Variants in FBLN5 observed in about 807,000 individuals in gnomAD.
FBLN5 encodes the protein fibulin-5.
A neutral mutation model predicts 61.6 loss-of-function variants in FBLN5; 24 were observed. That is an observed-to-expected ratio of 0.39 (90% CI 0.28 to 0.55). The LOEUF is 0.55. Ranked by LOEUF, FBLN5 falls within the 20% of genes least tolerant of loss-of-function variation. The pLI is 0.65. For missense variants in FBLN5, 470 were observed against 594.1 expected, an observed-to-expected ratio of 0.79 and a Z score of 2.17; for synonymous variants, 213 against 219.8, an observed-to-expected ratio of 0.97 and a Z score of 0.27.
chr14:91,940,620 C>G lies in FBLN5; in HGVS notation c.73-4G>C. 1 of 1,613,704 alleles carries G rather than the reference C, an allele frequency of 6.2e-7. No individual in the cohort carries two copies. Among genetic ancestry groups the G allele is most frequent in the Non-Finnish European group, 8.5e-7 (1 of 1,179,706 alleles). On this transcript the variant is annotated splice_region_variant and splice_polypyrimidine_tract_variant and intron_variant, in intron 2 of 10. Coordinates refer to ENST00000342058, the MANE Select transcript of FBLN5 (RefSeq NM_006329.4). ...CAAAGCCATTCGTGCACTGTGCCTG[C>G]AGGGAAGGAGAGAGGAGAAACAGGC...
intron 4 of FBLN5, among the ~76,000 whole-genome samples, chr14:91,908,688 A>G (rs1432103804): frequency 1.3e-5 from 2 of 152,318 alleles, no homozygotes; most frequent in African/African-American, 2.4e-5. Flanking sequence ...TTGACTGTAC[A>G]TTTGAATCAC....
At chr14:91,917,911 G>A (rs528475119) in intron 4 of FBLN5, among the ~76,000 whole-genome samples, 5 of 152,134 alleles carry the variant, frequency 3.3e-5, no homozygotes, top group Non-Finnish European at 7.3e-5. Context: ...CCTTTTTCAT[G>A]TTGAGGCACA....
chr14:91,900,467 T>TACAAA (rs926293568), intron 4 of FBLN5, among the ~76,000 whole-genome samples: 15 of 152,254 alleles, frequency 9.9e-5, no homozygotes, highest in Middle Eastern at 6.8e-3. Context: ...TTAAAAACTG[T>TACAAA]ACAAAACAAA....
intron 4 of FBLN5, among the ~76,000 whole-genome samples, chr14:91,914,522 G>A (rs1289207157): frequency 6.9e-6 from 1 of 144,766 alleles, no homozygotes; most frequent in Non-Finnish European, 1.5e-5. Context: ...TAGCTGGGCA[G>A]TATAGTACAT....
At chr14:91,894,216 T>G (rs1890112594) in intron 5 of FBLN5, among the ~76,000 whole-genome samples, 1 of 150,754 alleles carries the variant, frequency 6.6e-6, no homozygotes. Flanking sequence ...CTGGCCAACA[T>G]GGCAAAACCC....
intron 9 of FBLN5, among the ~76,000 whole-genome samples, chr14:91,880,113 C>G (rs1889350750): frequency 6.6e-6 from 1 of 152,182 alleles, no homozygotes; most frequent in Non-Finnish European, 1.5e-5. Flanking sequence ...AAATGTTGAC[C>G]AAGATGACGT....
chr14:91,870,669 G>T (rs1888881667), intron 10 of FBLN5, among the ~76,000 whole-genome samples: 1 of 152,306 alleles, frequency 6.6e-6, no homozygotes, highest in Non-Finnish European at 1.5e-5. Flanking sequence ...CTTTGTACAG[G>T]ATGGAAAGCA....
intron 10 of FBLN5, among the ~76,000 whole-genome samples, chr14:91,876,435 C>T (rs1889165494): frequency 6.6e-6 from 1 of 152,190 alleles, no homozygotes; most frequent in South Asian, 2.1e-4. Flanking sequence ...AGATGCAAGT[C>T]CTAAATCCTT....
chr14:91,906,667 T>C (rs1890697838), intron 4 of FBLN5, among the ~76,000 whole-genome samples: 1 of 152,228 alleles, frequency 6.6e-6, no homozygotes. Flanking sequence ...CACCCCTCTA[T>C]GGGCACCAGC....
chr14:91,895,529 T>C (rs1469411784), intron 4 of FBLN5, among the ~76,000 whole-genome samples: 3 of 152,034 alleles, frequency 2.0e-5, no homozygotes, highest in African/African-American at 7.2e-5. Flanking sequence ...CTGGGCATGG[T>C]GGCTCACGCC....
At chr14:91,938,713 C>T (rs745986008) in intron 3 of FBLN5, among the ~76,000 whole-genome samples, 10 of 152,124 alleles carry the variant, frequency 6.6e-5, no homozygotes, top group Non-Finnish European at 1.0e-4. Flanking sequence ...TCCCGTATAC[C>T]GAGCCATGTC....
chr14:91,869,895 A>G lies in FBLN5; in HGVS notation c.*329T>C, dbSNP rs115237925. On this transcript the variant is annotated 3_prime_UTR_variant, in exon 11 of 11. Transcript: ENST00000342058. ...AGCTGTTCACAGTCTTTGAACATAG[A>G]CTCAGACCCCCGCAAACCTAATCTA... 5,928 of 365,374 alleles carry G rather than the reference A, an allele frequency of 0.016. 211 individuals are homozygous for G. Among genetic ancestry groups the G allele is most frequent in the South Asian group, 0.076 (3,518 of 46,252 alleles). 22.6% of individuals were successfully genotyped at this position (365,374 alleles called of 1,614,324 possible). A position where few individuals can be genotyped will look rare whatever the true frequency, so the allele number is the denominator to read the frequency against.
At chr14:91,878,516 C>G (rs746436426) in intron 9 of FBLN5, among the ~76,000 whole-genome samples, 1 of 152,140 alleles carries the variant, frequency 6.6e-6, no homozygotes, top group Non-Finnish European at 1.5e-5. Flanking sequence ...TTGAGACGCG[C>G]GGTGGTGGCC....
intron 4 of FBLN5, among the ~76,000 whole-genome samples, chr14:91,914,409 C>A (rs146524501): frequency 2.3e-5 from 3 of 131,190 alleles, no homozygotes; most frequent in Non-Finnish European, 4.7e-5. Context: ...ACCCAGGAGG[C>A]GGAGCTTGCA....
chr14:91,895,753 G>T (rs188628918), intron 4 of FBLN5, among the ~76,000 whole-genome samples: 23 of 132,552 alleles, frequency 1.7e-4, no homozygotes, highest in Non-Finnish European at 3.4e-4. Context: ...AGCCGAGATC[G>T]CACGACTTCA....
intron 4 of FBLN5, among the ~76,000 whole-genome samples, chr14:91,904,242 C>T (rs918209609): frequency 6.6e-6 from 1 of 152,212 alleles, no homozygotes; most frequent in Non-Finnish European, 1.5e-5. Flanking sequence ...AATGAAGATA[C>T]TTGACTCTAA....
At chr14:91,890,836 G>A (rs114556218) in intron 6 of FBLN5, among the ~76,000 whole-genome samples, 1,761 of 152,234 alleles carry the variant, frequency 0.012, 34 homozygotes, top group African/African-American at 0.04. Flanking sequence ...TGGAGGGCCA[G>A]GGACCCTGAC....
intron 4 of FBLN5, among the ~76,000 whole-genome samples, chr14:91,919,621 T>C (rs905564837): frequency 6.6e-6 from 1 of 152,218 alleles, no homozygotes. Context: ...GAGCCCGTTA[T>C]AGCGGGCCCT....
intron 2 of FBLN5, among the ~76,000 whole-genome samples, chr14:91,941,237 G>C (rs1199630712): frequency 6.6e-6 from 1 of 152,146 alleles, no homozygotes; most frequent in African/African-American, 2.4e-5. Flanking sequence ...AAGCTACACA[G>C]AGATGTGGTC....
Sources: gnomAD v4.1 joint callset for allele counts (sites outside exome capture counted in the v4.1 genomes callset) on GRCh38, gnomAD v4.1.1 for gene constraint, MANE v1.5 for transcripts, NCBI Gene and HGNC (gene_info 2026-07-23, HGNC 2026-07-21) for gene names.